CNDP2: variants seen among roughly 807,000 people sequenced by gnomAD.
CNDP2 encodes cytosolic non-specific dipeptidase.
In CNDP2, 38 loss-of-function variants were observed where a neutral mutation model predicts 55.0. The observed-to-expected ratio is 0.69, with a 90% CI of 0.53 to 0.90. The LOEUF (loss-of-function observed/expected upper bound fraction) is 0.90, where lower values mean the gene tolerates loss of function less well. CNDP2 is among the 40% of genes least tolerant of loss of function. The pLI, the probability that CNDP2 is intolerant of heterozygous loss-of-function variation, is 0.00. For missense variants in CNDP2, 607 were observed against 621.7 expected (o/e 0.98, Z 0.25); for synonymous variants, 241 against 260.2 (o/e 0.93, Z 0.71).
chr18:74,513,522 T>TC, intron 7 of CNDP2, 37 bp from the exon 8 acceptor site: 5 of 1,583,144 alleles, frequency 3.2e-6, no homozygotes, highest in Non-Finnish European at 4.3e-6. Context: ...TGGTGCGGCC[T>TC]CCCCTGAGTG....
intron 4 of CNDP2, among the ~76,000 whole-genome samples, chr18:74,506,322 A>G (rs901167818): frequency 3.9e-5 from 6 of 151,924 alleles, no homozygotes; most frequent in African/African-American, 1.5e-4. Context: ...TTTAGTAGAG[A>G]CGGGGTTTCA....
intron 11 of CNDP2, among the ~76,000 whole-genome samples, 165 bp downstream of exon 11, chr18:74,519,261 GGAC>G (rs1308746216): frequency 6.6e-6 from 1 of 152,226 alleles, no homozygotes; most frequent in Non-Finnish European, 1.5e-5. Flanking sequence ...ATGGGAGGCA[GGAC>G]GAGGCCTTGC....
intron 11 of CNDP2, 46 bp downstream of exon 11, chr18:74,519,142 T>C (rs1979905856): frequency 1.3e-6 from 2 of 1,557,022 alleles, no homozygotes; most frequent in Non-Finnish European, 1.7e-6. Context: ...CTGCACAGCG[T>C]CCCTCTCGCC....
Position 74,520,054 on chromosome 18 carries a change from C to G in CNDP2, c.1414C>G (p.Gln472Glu). 1 of 1,614,140 alleles carries G rather than the reference C, an allele frequency of 6.2e-7. No homozygotes were observed. The highest frequency in any genetic ancestry group is 8.5e-7 in the Non-Finnish European group (1 of 1,180,002). The part of the protein sequence containing the change: ...MLAAYLYEVS[Q>E]LKD ...GGCCGCGTACCTGTATGAGGTCTCCCAGCTGAAGGACTAGGCCAAGCCCTC... is the reference window on the plus strand; with the variant it reads ...GGCCGCGTACCTGTATGAGGTCTCCGAGCTGAAGGACTAGGCCAAGCCCTC... The change falls in exon 12 of 12, where the codon CAG becomes GAG. Residue 472 changes from glutamine (Q) to glutamate (E), a missense_variant. Gln to Glu is a conservative substitution (Grantham distance 29). Transcript: ENST00000324262.
At chr18:74,503,329 C>T (rs1978819192) in intron 3 of CNDP2, among the ~76,000 whole-genome samples, 1 of 152,178 alleles carries the variant, frequency 6.6e-6, no homozygotes, top group Non-Finnish European at 1.5e-5. Flanking sequence ...GGGGTGACCA[C>T]ACATCTTCTG....
chr18:74,518,830 T>G (rs974743743), intron 10 of CNDP2, 119 bp from the exon 11 acceptor site: 7 of 1,483,020 alleles, frequency 4.7e-6, no homozygotes, highest in Admixed American at 3.6e-5. Context: ...GAACGCGGGC[T>G]TGCTGTCCCC....
chr18:74,519,168 C>G (rs557190098), intron 11 of CNDP2, 72 bp downstream of exon 11: 29 of 1,511,146 alleles, frequency 1.9e-5, no homozygotes, highest in Middle Eastern at 4.7e-4. Context: ...CCCTTCCCCC[C>G]GTGTGCAGCT....
chr18:74,512,973 C>T (rs1419408503), intron 7 of CNDP2, among the ~76,000 whole-genome samples: 1 of 152,248 alleles, frequency 6.6e-6, no homozygotes, highest in Non-Finnish European at 1.5e-5. Context: ...GTGCTGTTCC[C>T]GGTGTCCTCC....
intron 4 of CNDP2, 38 bp downstream of exon 4, chr18:74,506,049 C>T: frequency 2.0e-6 from 3 of 1,511,990 alleles, no homozygotes; most frequent in Non-Finnish European, 2.6e-6. Context: ...AGAGGAAAGG[C>T]ACTGACTTTT....
In CNDP2 at chr18:74,500,839, G is replaced by A. The variant is rs192673612; in HGVS notation, c.61-490G>A. On this transcript the variant is annotated intron_variant, in intron 2 of 11. Transcript: ENST00000324262. ...ACTAAAGATTTCACATGAAAGGGTC[G>A]TGATTGATTTGAGCAAGCAGGCAGT... Among the ~76,000 whole-genome samples the A allele has an allele frequency of 1.1e-4, 16 of 152,346 alleles. No homozygotes were observed. In the East Asian group the frequency reaches 1.2e-3, roughly 11 times the overall value.
Position 74,523,420 on chromosome 18 carries a change from G to A in CNDP2, c.*3352G>A, listed in dbSNP as rs1436683570. ...GGATCTTCTCAAGTGGGAAACAGGC[G>A]TGGTAAATAAATACTGTTGTTTCAG... is the stretch of plus-strand genomic sequence containing the variant. On this transcript the variant is annotated 3_prime_UTR_variant, in exon 12 of 12. Coordinates refer to ENST00000324262, the MANE Select transcript of CNDP2 (RefSeq NM_018235.3). 3.3e-5 allele frequency: 5 copies of A among 152,320 alleles called. No homozygotes were observed. Among genetic ancestry groups the A allele is most frequent in the Middle Eastern group, 6.8e-3 (2 of 294 alleles). The allele number at this position is 152,320 out of a possible 1,614,324, so 9.4% of individuals were successfully genotyped here.
rs79445088 is a variant in CNDP2 at position 74,509,240 on chromosome 18, C to T, written c.456+312C>T. On this transcript the variant is annotated intron_variant, in intron 5 of 11. Transcript: ENST00000324262. ...TGTCTCTGTGAGTGTGGTCCCTTGC[C>T]AGAACATAGTGCAGGCTCTGTCACA... 3,415 of 344,268 alleles carry T rather than the reference C, an allele frequency of 9.9e-3. 27 individuals carry two copies. Among genetic ancestry groups the T allele is most frequent in the Non-Finnish European group, 0.014 (2,487 of 182,644 alleles). The allele number at this position is 344,268 out of a possible 1,614,324, so 21.3% of individuals were successfully genotyped here. A position where few individuals can be genotyped will look rare whatever the true frequency, so the allele number is the denominator to read the frequency against.
chr18:74,512,653 GT>G, intron 7 of CNDP2, 121 bp downstream of exon 7: 2 of 760,490 alleles, frequency 2.6e-6, no homozygotes, highest in South Asian at 3.8e-5. Context: ...TTCTGTCTCA[GT>G]TTCCTACTGT....
rs763184445 is a variant in CNDP2 at position 74,518,607 on chromosome 18, C to T, written c.1177C>T (p.His393Tyr). ...CTGGGTCTCCGACTTCAGTCACCCT[C>T]ATTACCTGGCTGGGAGAAGAGCCAT... ...KPWVSDFSHPHYLAGRRAMKT... is the reference protein window; with the variant it reads ...KPWVSDFSHPYYLAGRRAMKT... Residue 393 changes from histidine to tyrosine, a missense_variant, in exon 10 of 12, where the codon CAT (histidine) becomes TAT (tyrosine). Transcript: ENST00000324262. 3.7e-6 allele frequency: 6 copies of T among 1,614,226 alleles called. No individual in the cohort carries two copies. Among genetic ancestry groups the T allele is most frequent in the Admixed American group, 1.7e-5 (1 of 60,026 alleles).
chr18:74,501,599 G>A (rs1246876504), intron 3 of CNDP2, 127 bp downstream of exon 3: 1 of 1,244,534 alleles, frequency 8.0e-7, no homozygotes, highest in Admixed American at 2.7e-5. Context: ...AACAAAAAAG[G>A]AAGGGCCTGA....
At position 74,505,923 on chromosome 18, in the gene CNDP2, C is replaced by G. The variant is rs112622731; in HGVS notation, c.279C>G (p.Thr93=). Residue 93 remains threonine, a synonymous_variant, in exon 4 of 12, where the codon ACC becomes ACG. Coordinates refer to ENST00000324262, the MANE Select transcript of CNDP2 (RefSeq NM_018235.3). ...TGGGCTCCGACCCACAGAAGAAGAC[C>G]GTGTGCATTTACGGGCACCTGGATG... ...GRLGSDPQKK[T]VCIYGHLDVQ... 1.2e-5 allele frequency: 20 copies of G among 1,612,268 alleles called. No individual in the cohort carries two copies. Among genetic ancestry groups the G allele is most frequent in the East Asian group, 4.5e-5 (2 of 44,786 alleles).
At chr18:74,519,294 C>G (rs1366357917) in intron 11 of CNDP2, among the ~76,000 whole-genome samples, 198 bp downstream of exon 11, 1 of 152,210 alleles carries the variant, frequency 6.6e-6, no homozygotes, top group Non-Finnish European at 1.5e-5. Context: ...GTGCTAAAAA[C>G]AAGGTTCATG....
intron 3 of CNDP2, among the ~76,000 whole-genome samples, 196 bp from the exon 4 acceptor site, chr18:74,505,653 G>A (rs1410701169): frequency 1.3e-5 from 2 of 151,914 alleles, no homozygotes; most frequent in African/African-American, 4.8e-5. Context: ...ACATGTACAT[G>A]TGCTCTGGAG....
At chr18:74,501,971 G>A (rs1369372274) in intron 3 of CNDP2, among the ~76,000 whole-genome samples, 1 of 152,042 alleles carries the variant, frequency 6.6e-6, no homozygotes, top group African/African-American at 2.4e-5. Flanking sequence ...TCGGCCCACT[G>A]CAACCTCCGC....
Sources: gnomAD v4.1 joint callset for allele counts (sites outside exome capture counted in the v4.1 genomes callset) on GRCh38, gnomAD v4.1.1 for gene constraint, MANE v1.5 for transcripts, NCBI Gene and HGNC (gene_info 2026-07-23, HGNC 2026-07-21) for gene names.